The following PAQR3 variants were observed in gnomAD, a reference collection of about 807,000 sequenced individuals.
PAQR3 encodes the protein Raf kinase trapping to Golgi.
In PAQR3, 39 loss-of-function variants were observed where a neutral mutation model predicts 41.7. The ratio of observed to expected loss-of-function variants is 0.93; its 90% CI spans 0.72 to 1.22. PAQR3 has a LOEUF of 1.22. Ranked by LOEUF, PAQR3 falls within the 50% of genes most tolerant of loss-of-function variation. The pLI is 0.00. For missense variants in PAQR3, 366 were observed against 385.6 expected (o/e 0.95, Z 0.42); for synonymous variants, 140 against 140.6 (o/e 1.00, Z 0.03).
At chr4:78,887,637 T>C (rs1733169816) in intron 12 of PAQR3, among the ~76,000 whole-genome samples, 1 of 152,192 alleles carries the variant, frequency 6.6e-6, no homozygotes, top group Non-Finnish European at 1.5e-5. Flanking sequence ...TGTAGATGCA[T>C]TTTAAAAGTA....
rs762888421 is a variant in PAQR3, at chr4:78,939,090, G to A, written c.135C>T (p.Tyr45=). 2 of 1,613,456 alleles carry A rather than the reference G, an allele frequency of 1.2e-6. No homozygotes were observed. The highest frequency in any genetic ancestry group is 8.5e-7 in the Non-Finnish European group (1 of 1,179,606). ...QIPGSLKDNP[Y]ITDGYRAYLP... ...GGTAGGCCCGGTAGCCGTCGGTGAT[G>A]TACGGGTTGTCCTTGAGGGACCCGG... Residue 45 remains tyrosine, a synonymous_variant, in exon 1 of 6, where the codon TAC becomes TAT. Coordinates refer to ENST00000512733, the MANE Select transcript of PAQR3 (RefSeq NM_001040202.2).
intron 1 of PAQR3, among the ~76,000 whole-genome samples, chr4:78,938,084 A>G (rs1237208907): frequency 5.9e-5 from 9 of 152,236 alleles, no homozygotes; most frequent in African/African-American, 2.2e-4. Context: ...AAAGGAAAGA[A>G]GGGCAGGAAA....
rs1353184652 is a variant in PAQR3 at position 78,914,894 on chromosome 4, TTAA to T, written c.*5642_*5644del. 6.6e-6 allele frequency: 1 copy of T among 151,972 alleles called. No homozygotes were observed. The highest frequency in any genetic ancestry group is 1.9e-4 in the East Asian group (1 of 5,198). The allele number at this position is 151,972 out of a possible 1,614,324, so 9.4% of individuals were successfully genotyped here. On this transcript the variant is annotated 3_prime_UTR_variant, in exon 6 of 6. Coordinates refer to ENST00000512733, the MANE Select transcript of PAQR3 (RefSeq NM_001040202.2). ...AGGCCAAAGTTGTTTCTTAACAGCT[TTAA>T]TAATGCTTGTTGATTTTGAATAATC...
At chr4:78,932,090 A>G (rs147211016) in intron 2 of PAQR3, among the ~76,000 whole-genome samples, 40 of 152,358 alleles carry the variant, frequency 2.6e-4, no homozygotes, top group African/African-American at 9.6e-4. Flanking sequence ...CTAAGGCAGT[A>G]ACATGGTCAT....
chr4:78,900,145 T>G (rs1165272878), intron 11 of PAQR3, among the ~76,000 whole-genome samples: 1 of 152,204 alleles, frequency 6.6e-6, no homozygotes, highest in East Asian at 1.9e-4. Context: ...GTGAAGACGA[T>G]GAGGATGAGG....
intron 11 of PAQR3, among the ~76,000 whole-genome samples, chr4:78,901,850 T>G (rs1734024378): frequency 6.6e-6 from 1 of 152,190 alleles, no homozygotes; most frequent in Non-Finnish European, 1.5e-5. Context: ...AGTTTTAGAT[T>G]TCTTATATTG....
Position 78,926,618 on chromosome 4 carries a change from A to G in PAQR3, c.605T>C (p.Leu202Pro). 1 of 1,613,930 alleles carries G rather than the reference A, an allele frequency of 6.2e-7. No individual in the cohort carries two copies. Among genetic ancestry groups the G allele is most frequent in the Non-Finnish European group, 8.5e-7 (1 of 1,179,822 alleles). The change falls in exon 4 of 6, where the codon CTC (leucine) becomes CCC (proline). Residue 202 changes from leucine (L) to proline (P), a missense_variant. Transcript: ENST00000512733. ...AACAGAACAAAAGATGATAGAACGG[A>G]GCCTTTGCCATTGCTGCGTGAGGTA... is the stretch of plus-strand genomic sequence containing the variant. ...PNYLTQQWQR[L>P]RSIIFCSVSG...
At chr4:78,895,272 A>C (rs1733642726) in intron 11 of PAQR3, among the ~76,000 whole-genome samples, 1 of 152,206 alleles carries the variant, frequency 6.6e-6, no homozygotes, top group South Asian at 2.1e-4. Flanking sequence ...CTGGCACAAT[A>C]CAAAAACGTA....
In PAQR3 at chr4:78,912,181, G is replaced by T; in HGVS notation, c.*8358C>A. The stretch of plus-strand genomic sequence containing the variant: ...TGATTTCTAAATAAACCAAATAGAA[G>T]AATGAAGTATCTCTACAGGGTAGTA... On this transcript the variant is annotated 3_prime_UTR_variant, in exon 6 of 6. Coordinates refer to ENST00000512733, the MANE Select transcript of PAQR3 (RefSeq NM_001040202.2). 1 of 735,416 alleles carries T rather than the reference G, an allele frequency of 1.4e-6. No homozygotes were observed. The highest frequency in any genetic ancestry group is 2.2e-6 in the Non-Finnish European group (1 of 448,396). The allele number at this position is 735,416 out of a possible 1,614,324, so 45.6% of individuals were successfully genotyped here.
At chr4:78,908,459 C>T (rs923769551), downstream of PAQR3, among the ~76,000 whole-genome samples, 5 of 152,188 alleles carry the variant, frequency 3.3e-5, no homozygotes, top group Admixed American at 6.5e-5. Context: ...GTTCATCTTC[C>T]TCTGCTGACT....
intron 2 of PAQR3, among the ~76,000 whole-genome samples, chr4:78,934,628 C>T (rs1372190615): frequency 2.6e-5 from 4 of 152,036 alleles, no homozygotes. Flanking sequence ...AAAGAAACAA[C>T]GTATTTGAAG....
At position 78,919,469 on chromosome 4, in the gene PAQR3, T is replaced by C. The variant is rs1049235982; in HGVS notation, c.*1070A>G. ...ATGCTTCAGGCCCAAATATTAAGTG[T>C]TTATCAAGATTCTGAGTTATCAATG... On this transcript the variant is annotated 3_prime_UTR_variant, in exon 6 of 6. Transcript: ENST00000512733. 1.0e-6 allele frequency: 1 copy of C among 984,976 alleles called. No homozygotes were observed. Among genetic ancestry groups the C allele is most frequent in the East Asian group, 1.1e-4 (1 of 8,808 alleles). 61.0% of individuals were successfully genotyped at this position (984,976 alleles called of 1,614,324 possible). A position where few individuals can be genotyped will look rare whatever the true frequency, so the allele number is the denominator to read the frequency against.
rs1735677861 is a variant in PAQR3, at chr4:78,921,702, T to G, written c.794-1021A>C. 4.1e-6 allele frequency: 4 copies of G among 985,022 alleles called. No homozygotes were observed. The African/African-American group carries it at 7.0e-5, about 17-fold the overall frequency. The allele number at this position is 985,022 out of a possible 1,614,324, so 61.0% of individuals were successfully genotyped here. On this transcript the variant is annotated intron_variant, in intron 5 of 5. Coordinates refer to ENST00000512733, the MANE Select transcript of PAQR3 (RefSeq NM_001040202.2). ...ACATTTTTAAACATTCAACCTGAGC[T>G]GAATGAAAGCTTTTAGTTTAAAATT...
In PAQR3 at chr4:78,936,661, A is replaced by G. The variant is rs116079544; in HGVS notation, c.186-1378T>C. On this transcript the variant is annotated intron_variant, in intron 1 of 5. Coordinates refer to ENST00000512733, the MANE Select transcript of PAQR3 (RefSeq NM_001040202.2). ...CAAGCATCAAGTGTAAAGACTACTT[A>G]TAACTGGAGGAAGGGATGCACGAAT... Among the ~76,000 whole-genome samples, 607 of 152,350 alleles carry G rather than the reference A, an allele frequency of 4.0e-3. 2 individuals are homozygous for G. Among genetic ancestry groups the G allele is most frequent in the Non-Finnish European group, 6.5e-3 (442 of 68,030 alleles).
Position 78,912,092 on chromosome 4 carries a change from T to G in PAQR3, c.*8447A>C, listed in dbSNP as rs1734664200. The G allele has an allele frequency of 8.1e-6, 12 of 1,477,986 alleles. No individual in the cohort carries two copies. In the South Asian group the frequency reaches 1.6e-4, roughly 20 times the overall value. 91.6% of individuals were successfully genotyped at this position (1,477,986 alleles called of 1,614,324 possible). A position where few individuals can be genotyped will look rare whatever the true frequency, so the allele number is the denominator to read the frequency against. On this transcript the variant is annotated 3_prime_UTR_variant, in exon 6 of 6. Transcript: ENST00000512733. ...TTTCAAAAAAGTGTGAACAGTTTTATGAATTTGAAAGAAAATTTGGTAGCT... is the reference window on the plus strand; with the variant it reads ...TTTCAAAAAAGTGTGAACAGTTTTAGGAATTTGAAAGAAAATTTGGTAGCT...
At chr4:78,932,529 C>A (rs1737011662) in intron 2 of PAQR3, among the ~76,000 whole-genome samples, 1 of 152,134 alleles carries the variant, frequency 6.6e-6, no homozygotes, top group African/African-American at 2.4e-5. Flanking sequence ...TATGCATACA[C>A]AAACATACGC....
chr4:78,919,378 G>C lies in PAQR3; in HGVS notation c.*1161C>G, dbSNP rs527860913. On this transcript the variant is annotated 3_prime_UTR_variant, in exon 6 of 6. Transcript: ENST00000512733. Reference sequence around the variant, plus strand: ...GCATATGAAAGACCAAAGAATAAGAGGGCTACAATGTATGATAGGGCAGTG... The same window carrying C: ...GCATATGAAAGACCAAAGAATAAGACGGCTACAATGTATGATAGGGCAGTG... 7.2e-5 allele frequency: 71 copies of C among 984,226 alleles called. No individual in the cohort carries two copies. Among genetic ancestry groups the C allele is most frequent in the Admixed American group, 3.7e-4 (6 of 16,202 alleles). The allele number at this position is 984,226 out of a possible 1,614,324, so 61.0% of individuals were successfully genotyped here.
At chr4:78,938,879 G>A (rs1354808818) in intron 1 of PAQR3, among the ~76,000 whole-genome samples, 161 bp downstream of exon 1, 1 of 151,654 alleles carries the variant, frequency 6.6e-6, no homozygotes, top group African/African-American at 2.4e-5. Context: ...CCAGGTAAGG[G>A]GAGATAACGG....
chr4:78,911,510 A>T (rs372826254), downstream of PAQR3: 3 of 1,614,060 alleles, frequency 1.9e-6, no homozygotes, highest in Non-Finnish European at 1.7e-6. Flanking sequence ...ACAAAGCAGG[A>T]TATGTCCAAA....
Sources: gnomAD v4.1 joint callset for allele counts (sites outside exome capture counted in the v4.1 genomes callset) on GRCh38, gnomAD v4.1.1 for gene constraint, MANE v1.5 for transcripts, NCBI Gene and HGNC (gene_info 2026-07-23, HGNC 2026-07-21) for gene names.